The following FAM98B variants were observed in gnomAD, a reference collection of about 807,000 sequenced individuals.
FAM98B encodes the protein tRNA splicing ligase complex subunit 3B, also known as tRNA-splicing ligase complex subunit FAM98B.
In FAM98B, 32 loss-of-function variants were observed where a neutral mutation model predicts 43.9. That is an observed-to-expected ratio of 0.73 (90% CI 0.55 to 0.98). The LOEUF (loss-of-function observed/expected upper bound fraction) is 0.98, where lower values mean the gene tolerates loss of function less well. Among genes scored for constraint, FAM98B ranks in the 50% least tolerant of loss-of-function variants. FAM98B has a pLI of 0.00. For missense variants in FAM98B, 514 were observed against 522.9 expected (o/e 0.98, Z 0.17); for synonymous variants, 190 against 174.0 (o/e 1.09, Z -0.72).
At position 38,484,274 on chromosome 15, in the gene FAM98B, C is replaced by T; in HGVS notation, c.917C>T (p.Pro306Leu). 6.5e-7 allele frequency: 1 copy of T among 1,549,660 alleles called. No individual in the cohort carries two copies. Among genetic ancestry groups the T allele is most frequent in the East Asian group, 2.4e-5 (1 of 40,878 alleles). Residue 306 changes from proline to leucine, a missense_variant, in exon 8 of 8, where the codon CCT (proline) becomes CTT (leucine). Pro to Leu is a moderately conservative substitution (Grantham distance 98, BLOSUM62 -3). Transcript: ENST00000397609. ...AINKVLMGRVPDRGGRPNEIE... is the reference protein window; with the variant it reads ...AINKVLMGRVLDRGGRPNEIE... Reference sequence around the variant, plus strand: ...ACACAGGTGCTGATGGGAAGGGTGCCTGACAGGGGAGGCCGGCCGAATGAA... The same window carrying T: ...ACACAGGTGCTGATGGGAAGGGTGCTTGACAGGGGAGGCCGGCCGAATGAA...
At chr15:38,483,425 G>A (rs1490850971) in intron 7 of FAM98B, 1 of 152,006 alleles carries the variant, frequency 6.6e-6, no homozygotes, top group African/African-American at 2.4e-5. Context: ...CCAGCACTCT[G>A]GGAGGCCGAG....
intron 7 of FAM98B, chr15:38,481,728 T>C: frequency 6.0e-6 from 6 of 1,005,894 alleles, no homozygotes; most frequent in Admixed American, 2.9e-5. Context: ...GTTCCATCTT[T>C]CTAAAAAGTA....
chr15:38,468,847 C>T (rs1174052457), intron 3 of FAM98B, among the ~76,000 whole-genome samples: 2 of 152,154 alleles, frequency 1.3e-5, no homozygotes, highest in Non-Finnish European at 2.9e-5. Flanking sequence ...GAAGTTAAAA[C>T]TGCTATATTA....
At position 38,464,057 on chromosome 15, in the gene FAM98B, C is replaced by T. The variant is rs1889991097; in HGVS notation, c.97C>T (p.Gln33Ter). Residue 33 changes from glutamine to a stop codon, truncating the protein, a stop_gained, in exon 2 of 8, where the codon CAA becomes TAA. Coordinates refer to ENST00000397609, the MANE Select transcript of FAM98B (RefSeq NM_173611.4). LOFTEE classifies it high-confidence loss of function. ...LGYKGPLLEE[Q>*]ALTKAAEGGL... ...GTATAAAGGACCATTGTTAGAAGAG[C>T]AAGCCCTTACAAAGGCGGCAGAGGG... 2 of 1,612,442 alleles carry T rather than the reference C, an allele frequency of 1.2e-6. No homozygotes were observed. Among genetic ancestry groups the T allele is most frequent in the Non-Finnish European group, 1.7e-6 (2 of 1,179,236 alleles).
intron 3 of FAM98B, among the ~76,000 whole-genome samples, chr15:38,465,711 T>G (rs989979567): frequency 6.6e-6 from 1 of 152,166 alleles, no homozygotes; most frequent in Non-Finnish European, 1.5e-5. Context: ...CTAACATTGA[T>G]GATCTCCAAA....
rs1890357307 is a variant in FAM98B, at chr15:38,485,612, C to G, written c.*953C>G. On this transcript the variant is annotated 3_prime_UTR_variant, in exon 8 of 8. Coordinates refer to ENST00000397609, the MANE Select transcript of FAM98B (RefSeq NM_173611.4). ...GCTATATGTGATTTGCTAGTTGGAG[C>G]AGTCAAAGTCTTAGCTATCAAGAGT... is the stretch of plus-strand genomic sequence containing the variant. 6.6e-6 allele frequency: 1 copy of G among 152,142 alleles called. No homozygotes were observed. The highest frequency in any genetic ancestry group is 2.4e-5 in the African/African-American group (1 of 41,410). The allele number at this position is 152,142 out of a possible 1,614,324, so 9.4% of individuals were successfully genotyped here.
chr15:38,471,349 A>G (rs1211906009), intron 4 of FAM98B, among the ~76,000 whole-genome samples: 2 of 152,098 alleles, frequency 1.3e-5, no homozygotes, highest in Non-Finnish European at 2.9e-5. Flanking sequence ...AAATCAGCTC[A>G]AAAACATTCT....
At chr15:38,458,987 AGGACTCAT>A in intron 1 of FAM98B, 1 of 380,542 alleles carries the variant, frequency 2.6e-6, no homozygotes, top group Non-Finnish European at 5.3e-6. Flanking sequence ...GTGGAACCAC[AGGACTCAT>A]GGAATAGGTG....
intron 4 of FAM98B, among the ~76,000 whole-genome samples, chr15:38,472,785 G>A (rs930514221): frequency 1.3e-5 from 2 of 151,794 alleles, no homozygotes; most frequent in Non-Finnish European, 2.9e-5. Context: ...GTTTCCTTTG[G>A]TTACCTTGTA....
At chr15:38,456,518 A>G (rs1043775417) in intron 1 of FAM98B, among the ~76,000 whole-genome samples, 1 of 152,208 alleles carries the variant, frequency 6.6e-6, no homozygotes, top group African/African-American at 2.4e-5. Flanking sequence ...TGGTGAGCAA[A>G]ATAGACTTGG....
Position 38,464,032 on chromosome 15 carries a change from G to A in FAM98B, c.72G>A (p.Gly24=), listed in dbSNP as rs1465871763. Residue 24 remains glycine (G), a splice_region_variant and synonymous_variant, in exon 2 of 8, where the codon GGG becomes GGA. Transcript: ENST00000397609. The part of the protein sequence containing the change: ...GDVLDTLEAL[G]YKGPLLEEQA... ...TTAACTTGTATTTCTTCCTTTCTAG[G>A]TATAAAGGACCATTGTTAGAAGAGC... The A allele has an allele frequency of 3.7e-6, 6 of 1,604,454 alleles. No individual in the cohort carries two copies. The highest frequency in any genetic ancestry group is 5.1e-6 in the Non-Finnish European group (6 of 1,175,456).
At position 38,454,248 on chromosome 15, in the gene FAM98B, G is replaced by C. The variant is rs1889812145; in HGVS notation, c.71+16G>C. Reference sequence around the variant, plus strand: ...AGGCGCTGGGGTGAGTGCTTTTGGAGACGCCTTTTCCCTGAAAACGCAACC... The same window carrying C: ...AGGCGCTGGGGTGAGTGCTTTTGGACACGCCTTTTCCCTGAAAACGCAACC... On this transcript the variant is annotated intron_variant, in intron 1 of 7. Transcript: ENST00000397609. 6.3e-7 allele frequency: 1 copy of C among 1,594,080 alleles called. No individual in the cohort carries two copies. Among genetic ancestry groups the C allele is most frequent in the Admixed American group, 1.8e-5 (1 of 55,574 alleles).
intron 1 of FAM98B, among the ~76,000 whole-genome samples, chr15:38,460,863 T>A (rs1889935596): frequency 6.6e-6 from 1 of 152,198 alleles, no homozygotes; most frequent in South Asian, 2.1e-4. Flanking sequence ...AATAATAGTA[T>A]CTACCTTATA....
At position 38,484,483 on chromosome 15, in the gene FAM98B, T is replaced by TGGG. The variant is rs1451089850; in HGVS notation, c.1131_1133dup (p.Gly383dup). The TGGG allele has an allele frequency of 2.3e-5, 3 of 132,468 alleles. No individual in the cohort carries two copies. The highest frequency in any genetic ancestry group is 1.5e-3 in the Admixed American group (1 of 670). The allele number at this position is 132,468 out of a possible 1,614,324, so 8.2% of individuals were successfully genotyped here. On this transcript the variant is annotated inframe_insertion, in exon 8 of 8. Transcript: ENST00000397609. Reference sequence around the variant, plus strand: ...AGGTGGTGGGGGAGGGGGAGGAGGGTGGGGGGGAGGAGGAGGAGGTGGTAG... The same window carrying TGGG: ...AGGTGGTGGGGGAGGGGGAGGAGGGTGGGGGGGGGGAGGAGGAGGAGGTGGTAG...
In FAM98B at chr15:38,484,716, G is replaced by A; in HGVS notation, c.*57G>A. On this transcript the variant is annotated 3_prime_UTR_variant, in exon 8 of 8. Coordinates refer to ENST00000397609, the MANE Select transcript of FAM98B (RefSeq NM_173611.4). ...TCTTTATAGATACATTAGAAATAGT[G>A]TTCCAAATAACATACTTGAATATCA... The A allele has an allele frequency of 1.3e-6, 2 of 1,483,740 alleles. No individual in the cohort carries two copies. The highest frequency in any genetic ancestry group is 1.5e-5 in the African/African-American group (1 of 68,124). 91.9% of individuals were successfully genotyped at this position (1,483,740 alleles called of 1,614,324 possible). A position where few individuals can be genotyped will look rare whatever the true frequency, so the allele number is the denominator to read the frequency against.
intron 7 of FAM98B, chr15:38,482,435 A>G (rs1277657523): frequency 6.6e-6 from 1 of 152,184 alleles, no homozygotes; most frequent in Non-Finnish European, 1.5e-5. Context: ...ATTTGAGGGT[A>G]GTCTTATGAT....
intron 6 of FAM98B, among the ~76,000 whole-genome samples, chr15:38,478,821 ATAT>A (rs1890243310): frequency 6.6e-6 from 1 of 152,192 alleles, no homozygotes; most frequent in Non-Finnish European, 1.5e-5. Context: ...TATTGAGATA[ATAT>A]TGTGAATGTA....
chr15:38,468,914 A>G (rs1014196753), intron 3 of FAM98B, among the ~76,000 whole-genome samples: 1 of 152,162 alleles, frequency 6.6e-6, no homozygotes, highest in Non-Finnish European at 1.5e-5. Context: ...GTATTTATTT[A>G]TGTATTTTTT....
intron 7 of FAM98B, chr15:38,482,714 T>A (rs1390864842): frequency 6.6e-6 from 1 of 152,210 alleles, no homozygotes; most frequent in Non-Finnish European, 1.5e-5. Context: ...AGGCAGTTGC[T>A]TTTTTACTTT....
Sources: gnomAD v4.1 joint callset for allele counts (sites outside exome capture counted in the v4.1 genomes callset) on GRCh38, gnomAD v4.1.1 for gene constraint, MANE v1.5 for transcripts, NCBI Gene and HGNC (gene_info 2026-07-23, HGNC 2026-07-21) for gene names.